The following TMEM45B variants were observed in gnomAD, a reference collection of about 807,000 sequenced individuals.
TMEM45B encodes transmembrane protein 45B.
A neutral mutation model predicts 27.3 loss-of-function variants in TMEM45B; 29 were observed. That is an observed-to-expected ratio of 1.06 (90% CI 0.79 to 1.45). The LOEUF (loss-of-function observed/expected upper bound fraction) is 1.45. Ranked by LOEUF, TMEM45B falls within the 40% of genes most tolerant of loss-of-function variation. The pLI is 0.00. For missense variants in TMEM45B, 348 were observed against 343.9 expected (o/e 1.01, Z -0.09); for synonymous variants, 143 against 134.7 (o/e 1.06, Z -0.43).
In TMEM45B at chr11:129,848,386, G is replaced by A. The variant is rs549609164; in HGVS notation, c.-8-4089G>A. Among the ~76,000 whole-genome samples, 1,041 of 152,316 alleles carry A rather than the reference G, an allele frequency of 6.8e-3. 5 individuals carry two copies. The highest frequency in any genetic ancestry group is 0.02 in the Middle Eastern group (6 of 294). ...AAACCCGTCAGGCGTGGCGGCGCGG[G>A]CCTGCAATCCCAGGCACTCGGCAGG... On this transcript the variant is annotated intron_variant, in intron 1 of 5. Transcript: ENST00000281441.
At chr11:129,827,826 C>T (rs1177359831) in intron 1 of TMEM45B, among the ~76,000 whole-genome samples, 1 of 151,894 alleles carries the variant, frequency 6.6e-6, no homozygotes, top group Non-Finnish European at 1.5e-5. Context: ...AATAATTAGC[C>T]GAGCGTGGTG....
intron 1 of TMEM45B, among the ~76,000 whole-genome samples, chr11:129,848,340 G>A (rs978161752): frequency 2.6e-5 from 4 of 152,154 alleles, no homozygotes; most frequent in East Asian, 1.9e-4. Context: ...GCGAAACCCC[G>A]TCTCCACCAA....
chr11:129,855,158 C>T (rs747637303), intron 3 of TMEM45B, among the ~76,000 whole-genome samples: 1 of 152,128 alleles, frequency 6.6e-6, no homozygotes. Context: ...CATACACATG[C>T]GGGTACACAC....
intron 1 of TMEM45B, among the ~76,000 whole-genome samples, chr11:129,845,485 T>C (rs1188560523): frequency 6.6e-6 from 1 of 152,096 alleles, no homozygotes; most frequent in Admixed American, 6.6e-5. Flanking sequence ...ATGCATACTA[T>C]AATCCCTAGA....
chr11:129,839,018 C>T (rs1408367495), intron 1 of TMEM45B, among the ~76,000 whole-genome samples: 1 of 152,170 alleles, frequency 6.6e-6, no homozygotes, highest in African/African-American at 2.4e-5. Context: ...ACTCTGCTTC[C>T]CTCTGGTTTC....
chr11:129,823,332 T>C (rs1207431913), intron 1 of TMEM45B, among the ~76,000 whole-genome samples: 1 of 152,200 alleles, frequency 6.6e-6, no homozygotes, highest in African/African-American at 2.4e-5. Context: ...CTACGTTTGA[T>C]AGGAATCGTT....
chr11:129,852,365 T>C, intron 1 of TMEM45B, 110 bp from the exon 2 acceptor site: 2 of 941,930 alleles, frequency 2.1e-6, no homozygotes, highest in Non-Finnish European at 3.2e-6. Context: ...TGATCCTTCT[T>C]AACGTGGCTT....
intron 1 of TMEM45B, among the ~76,000 whole-genome samples, chr11:129,851,543 C>CAAAAAAAAAAAAAAAAAAAAAA (rs71057982): frequency 5.6e-4 from 31 of 54,912 alleles, no homozygotes; most frequent in East Asian, 7.5e-4. Context: ...AACTCTGCCT[C>CAAAAAAAAAAAAAAAAAAAAAA]AAAAAAAAAA....
At position 129,834,704 on chromosome 11, in the gene TMEM45B, G is replaced by A. The variant is rs946396479; in HGVS notation, c.-8-17771G>A. On this transcript the variant is annotated intron_variant, in intron 1 of 5. Coordinates refer to ENST00000281441, the MANE Select transcript of TMEM45B (RefSeq NM_138788.5). ...CATGCACCTGTAGTCCCGGCTACTC[G>A]GGGAGCTGAGGCAGGATAATTGCTT... 2.8e-4 allele frequency among the ~76,000 whole-genome samples: 42 copies of A among 151,258 alleles called. 1 individual carries two copies. The highest frequency in any genetic ancestry group is 2.0e-4 in the Admixed American group (3 of 15,220).
chr11:129,839,418 G>A (rs1947663297), intron 1 of TMEM45B, among the ~76,000 whole-genome samples: 4 of 152,116 alleles, frequency 2.6e-5, no homozygotes, highest in Admixed American at 2.6e-4. Context: ...GTTACTACCT[G>A]TCCAAAACAT....
rs74829306 is a variant in TMEM45B, at chr11:129,843,402, A to C, written c.-8-9073A>C. Among the ~76,000 whole-genome samples the C allele has an allele frequency of 1.8e-3, 276 of 152,344 alleles. 5 individuals are homozygous for C. The East Asian group carries it at 0.048, about 27-fold the overall frequency. On this transcript the variant is annotated intron_variant, in intron 1 of 5. Coordinates refer to ENST00000281441, the MANE Select transcript of TMEM45B (RefSeq NM_138788.5). Reference sequence around the variant, plus strand: ...CTTTGTGTTTTAATAATTGTTTACTATAATCTATTTCATATGTTCTAATGT... The same window carrying C: ...CTTTGTGTTTTAATAATTGTTTACTCTAATCTATTTCATATGTTCTAATGT...
intron 1 of TMEM45B, among the ~76,000 whole-genome samples, chr11:129,841,148 C>T (rs1399653017): frequency 1.3e-5 from 2 of 151,966 alleles, no homozygotes; most frequent in Non-Finnish European, 2.9e-5. Context: ...GTGGCTGCTC[C>T]CATCACCCCC....
intron 1 of TMEM45B, among the ~76,000 whole-genome samples, chr11:129,849,488 A>T (rs1947814213): frequency 6.6e-6 from 1 of 152,182 alleles, no homozygotes; most frequent in Admixed American, 6.5e-5. Flanking sequence ...TTCCCTAAGT[A>T]TTGGCCTACT....
rs777220664 is a variant in TMEM45B at position 129,857,426 on chromosome 11, C to T, written c.684C>T (p.Ser228=). The T allele has an allele frequency of 2.0e-5, 32 of 1,614,202 alleles. No homozygotes were observed. The highest frequency in any genetic ancestry group is 2.6e-5 in the Non-Finnish European group (31 of 1,180,022). The change falls in exon 5 of 6, where the codon AGC becomes AGT. Residue 228 remains serine (S), a synonymous_variant. Transcript: ENST00000281441. Reference sequence around the variant, plus strand: ...GCTGGCACTACCTGGCTGCCCTCAGCATTGTGGCCGTCAACTATTCTCTTG... The same window carrying T: ...GCTGGCACTACCTGGCTGCCCTCAGTATTGTGGCCGTCAACTATTCTCTTG... ...CFCWHYLAAL[S]IVAVNYSLVY... is the part of the protein sequence containing the mutation.
At chr11:129,845,265 GTGTGTA>G (rs1947743646) in intron 1 of TMEM45B, among the ~76,000 whole-genome samples, 1 of 83,182 alleles carries the variant, frequency 1.2e-5, no homozygotes, top group African/African-American at 4.4e-5. Context: ...TATTTTGTGT[GTGTGTA>G]TGTGTGTGTG....
intron 1 of TMEM45B, among the ~76,000 whole-genome samples, chr11:129,843,044 A>T (rs931705187): frequency 1.3e-5 from 2 of 152,234 alleles, no homozygotes; most frequent in African/African-American, 4.8e-5. Flanking sequence ...GGTTCAAGCG[A>T]TTCTTCTGCC....
chr11:129,827,203 G>A (rs692194), intron 1 of TMEM45B: 49,384 of 152,178 alleles, frequency 0.32, 8,625 homozygotes, highest in East Asian at 0.48. Flanking sequence ...TTGTCATGTG[G>A]TGCTTAACGA....
intron 1 of TMEM45B, among the ~76,000 whole-genome samples, chr11:129,831,340 G>A (rs1174050652): frequency 1.3e-5 from 2 of 152,094 alleles, no homozygotes; most frequent in Non-Finnish European, 2.9e-5. Context: ...GGAGCCATTA[G>A]GTAAAATAAG....
At chr11:129,819,044 A>G (rs951968835) in intron 1 of TMEM45B, among the ~76,000 whole-genome samples, 2 of 152,198 alleles carry the variant, frequency 1.3e-5, no homozygotes, top group Non-Finnish European at 2.9e-5. Flanking sequence ...ACCTCCTTGA[A>G]TCCCAGCCTC....
Sources: allele counts gnomAD v4.1 joint callset (sites outside exome capture counted in the v4.1 genomes callset), GRCh38; gene constraint gnomAD v4.1.1; transcripts MANE v1.5; gene names NCBI Gene and HGNC (gene_info 2026-07-23, HGNC 2026-07-21).